The following RBFOX1 variants were observed in gnomAD, a reference collection of about 807,000 sequenced individuals.
RBFOX1 encodes RNA binding protein fox-1 homolog 1.
In RBFOX1, 8 loss-of-function variants were observed where a neutral mutation model predicts 57.7. The ratio of observed to expected loss-of-function variants is 0.14; its 90% confidence interval spans 0.08 to 0.25. RBFOX1 has a LOEUF of 0.25. Among genes scored for constraint, RBFOX1 ranks in the 10% least tolerant of loss-of-function variants. The pLI is 1.00. For missense variants in RBFOX1, 611 were observed against 548.5 expected (o/e 1.11, Z -1.14); for synonymous variants, 326 against 222.4 (o/e 1.47, Z -4.15).
rs907186940 is a variant in RBFOX1, at chr16:7,265,816, T to G, written c.27+213718T>G. 3.9e-5 allele frequency among the ~76,000 whole-genome samples: 6 copies of G among 152,158 alleles called. No homozygotes were observed. The East Asian group carries it at 9.7e-4, about 25-fold the overall frequency. Reference sequence around the variant, plus strand: ...TTACCTTTGATATAGTTTGGATATTTGTCCCCACTCAAATCTCATGTTGAA... The same window carrying G: ...TTACCTTTGATATAGTTTGGATATTGGTCCCCACTCAAATCTCATGTTGAA... On this transcript the variant is annotated intron_variant, in intron 4 of 15. Coordinates refer to ENST00000550418, the MANE Select transcript of RBFOX1 (RefSeq NM_018723.4).
chr16:7,468,329 A>C (rs944994997), intron 4 of RBFOX1, among the ~76,000 whole-genome samples: 8 of 152,210 alleles, frequency 5.3e-5, no homozygotes, highest in Non-Finnish European at 1.2e-4. Context: ...TATAATTAAA[A>C]CAATAAATTC....
rs1439910910 is a variant in RBFOX1, at chr16:6,759,103, G to C, written c.-16+104453G>C. The stretch of plus-strand genomic sequence containing the variant: ...AAGATTATATTCTACTGAAAATAAA[G>C]TTGAAATGGAGTAGAAAAAGTGGAG... On this transcript the variant is annotated intron_variant, in intron 3 of 15. Coordinates refer to ENST00000550418, the MANE Select transcript of RBFOX1 (RefSeq NM_018723.4). Among the ~76,000 whole-genome samples, 7 of 151,722 alleles carry C rather than the reference G, an allele frequency of 4.6e-5. No homozygotes were observed. The East Asian group carries it at 1.2e-3, about 25-fold the overall frequency.
intron 4 of RBFOX1, among the ~76,000 whole-genome samples, chr16:7,408,784 T>A (rs372765024): frequency 1.3e-5 from 2 of 152,106 alleles, no homozygotes; most frequent in African/African-American, 4.8e-5. Context: ...ATCCCCTCCC[T>A]CCTTGTTGTG....
chr16:6,426,454 G>A (rs2093931474), intron 2 of RBFOX1, among the ~76,000 whole-genome samples: 1 of 152,102 alleles, frequency 6.6e-6, no homozygotes, highest in South Asian at 2.1e-4. Context: ...GAGAAAGGCA[G>A]GGTAGGTTTT....
chr16:5,613,720 G>T (rs1440287990), intron 3 of RBFOX1, among the ~76,000 whole-genome samples: 1 of 152,104 alleles, frequency 6.6e-6, no homozygotes, highest in African/African-American at 2.4e-5. Context: ...CACAAAAGCA[G>T]TTGATGCCTG....
chr16:5,453,286 C>T, intron 1 of RBFOX1, among the ~76,000 whole-genome samples: 1 of 152,042 alleles, frequency 6.6e-6, no homozygotes, highest in Non-Finnish European at 1.5e-5. Context: ...ATACAGACAA[C>T]CAATAACTAA....
chr16:7,266,645 C>T (rs534232070), intron 4 of RBFOX1, among the ~76,000 whole-genome samples: 12 of 152,132 alleles, frequency 7.9e-5, no homozygotes, highest in Non-Finnish European at 2.9e-5. Context: ...GGGCACACTT[C>T]ACTCCGTAAC....
At chr16:6,648,512 C>G (rs1225176929) in intron 2 of RBFOX1, among the ~76,000 whole-genome samples, 1 of 152,146 alleles carries the variant, frequency 6.6e-6, no homozygotes, top group Admixed American at 6.5e-5. Flanking sequence ...TGCCGTGAGT[C>G]TAATGCCAGG....
intron 1 of RBFOX1, among the ~76,000 whole-genome samples, chr16:5,334,939 T>C (rs2064857675): frequency 6.6e-6 from 1 of 152,086 alleles, no homozygotes; most frequent in African/African-American, 2.4e-5. Flanking sequence ...AATAGTTTTG[T>C]TCGCTTGTTT....
At chr16:7,543,807 A>T (rs890224433) in intron 5 of RBFOX1, among the ~76,000 whole-genome samples, 3 of 151,280 alleles carry the variant, frequency 2.0e-5, no homozygotes, top group East Asian at 2.0e-4. Context: ...TGCAACCTCT[A>T]CCTCCTTGGT....
intron 3 of RBFOX1, among the ~76,000 whole-genome samples, chr16:6,947,101 A>G (rs957381223): frequency 2.0e-5 from 3 of 152,170 alleles, no homozygotes; most frequent in African/African-American, 7.2e-5. Context: ...AAGAGGATTT[A>G]ATGGGATAAG....
chr16:6,422,754 C>T (rs1481664614), intron 2 of RBFOX1, among the ~76,000 whole-genome samples: 7 of 152,086 alleles, frequency 4.6e-5, no homozygotes, highest in Admixed American at 4.6e-4. Context: ...GGGATGGTGC[C>T]AAATCATTCC....
intron 3 of RBFOX1, among the ~76,000 whole-genome samples, chr16:6,782,479 A>C (rs1406699220): frequency 6.6e-6 from 1 of 151,722 alleles, no homozygotes; most frequent in Non-Finnish European, 1.5e-5. Context: ...TGATCTCTTC[A>C]TGTTTTCTAT....
intron 3 of RBFOX1, among the ~76,000 whole-genome samples, chr16:5,613,939 T>TA (rs1183446941): frequency 6.9e-6 from 1 of 144,610 alleles, no homozygotes; most frequent in Non-Finnish European, 1.5e-5. Flanking sequence ...TTTTTTTTTT[T>TA]ATCCTGATGC....
intron 2 of RBFOX1, among the ~76,000 whole-genome samples, chr16:6,387,787 CTG>C: frequency 6.6e-6 from 1 of 152,136 alleles, no homozygotes; most frequent in South Asian, 2.1e-4. Flanking sequence ...ATTTTTCCCT[CTG>C]GTGATCATTC....
At chr16:5,897,976 G>A (rs575430064) in intron 4 of RBFOX1, among the ~76,000 whole-genome samples, 48 of 152,066 alleles carry the variant, frequency 3.2e-4, no homozygotes, top group African/African-American at 1.0e-3. Context: ...TTTGCTCTCA[G>A]GCTGCTAATA....
chr16:6,060,123 T>TTTTTTG (rs1491414220), intron 1 of RBFOX1, among the ~76,000 whole-genome samples: 246 of 5,106 alleles, frequency 0.048, 7 homozygotes, highest in Middle Eastern at 0.1. Flanking sequence ...AGGATTAGGG[T>TTTTTTG]TTTTTTTTTT....
intron 2 of RBFOX1, among the ~76,000 whole-genome samples, chr16:6,336,893 A>G (rs2152818487): frequency 6.6e-6 from 1 of 152,316 alleles, no homozygotes; most frequent in Admixed American, 6.5e-5. Context: ...GCCTAGTCAG[A>G]GTTTTATCAT....
intron 2 of RBFOX1, among the ~76,000 whole-genome samples, chr16:6,619,800 T>C (rs2098200216): frequency 6.6e-6 from 1 of 151,030 alleles, no homozygotes; most frequent in Non-Finnish European, 1.5e-5. Context: ...GATGATTTCA[T>C]CATCCAGATG....
Sources: gnomAD v4.1 joint callset for allele counts (sites outside exome capture counted in the v4.1 genomes callset) on GRCh38, gnomAD v4.1.1 for gene constraint, MANE v1.5 for transcripts, NCBI Gene and HGNC (gene_info 2026-07-23, HGNC 2026-07-21) for gene names.